Variants in TMEM97 observed in about 807,000 individuals in gnomAD.
TMEM97 encodes the protein sigma intracellular receptor 2.
Under a neutral mutation model 18.3 loss-of-function variants are expected in TMEM97, and 13 were observed. The ratio of observed to expected loss-of-function variants is 0.71; its 90% CI spans 0.46 to 1.13. The LOEUF (loss-of-function observed/expected upper bound fraction) is 1.13. TMEM97 is among the 50% of genes most tolerant of loss of function. The probability of loss-of-function intolerance (pLI) is 0.00; values close to 1 mark genes in which losing one functional copy is unlikely to be tolerated. For missense variants in TMEM97, 205 were observed against 210.5 expected (o/e 0.97, Z 0.16); for synonymous variants, 76 against 85.3 (o/e 0.89, Z 0.60).
In TMEM97 at chr17:28,319,356, C is replaced by G. The variant is rs782030956; in HGVS notation, c.117C>G (p.Tyr39Ter). The change falls in exon 1 of 3, where the codon TAC becomes TAG. Residue 39 changes from tyrosine to a stop codon, truncating the protein, a stop_gained. Coordinates refer to ENST00000226230, the MANE Select transcript of TMEM97 (RefSeq NM_014573.3). LOFTEE classifies it high-confidence loss of function. The stretch of plus-strand genomic sequence containing the variant: ...AGGCGGTGCTGCCGCGCGAGCTCTA[C>G]CCAGTCGAGGTGAGGGGCGCCCCTC... ...DLQAVLPREL[Y>*]PVEFRNLLKW... is the part of the protein sequence containing the mutation. The G allele has an allele frequency of 8.7e-6, 14 of 1,601,124 alleles. No individual in the cohort carries two copies. The highest frequency in any genetic ancestry group is 1.4e-5 in the African/African-American group (1 of 73,806).
chr17:28,326,953 C>T lies in TMEM97; in HGVS notation c.*160C>T. The T allele has an allele frequency of 1.1e-6, 1 of 890,976 alleles. No homozygotes were observed. The highest frequency in any genetic ancestry group is 1.7e-6 in the Non-Finnish European group (1 of 595,738). 55.2% of individuals were successfully genotyped at this position (890,976 alleles called of 1,614,324 possible). ...GGTGTCAGGAACCATGTCAAACCCT[C>T]ACCTTCTTCCATTTTTTTTTTTTTT... On this transcript the variant is annotated 3_prime_UTR_variant, in exon 3 of 3. Transcript: ENST00000226230.
intron 1 of TMEM97, among the ~76,000 whole-genome samples, chr17:28,320,344 G>A (rs17723890): frequency 0.032 from 4,864 of 152,198 alleles, 103 homozygotes; most frequent in Non-Finnish European, 0.047. Flanking sequence ...TTTTCAAGGG[G>A]CCTAACTCTC....
intron 1 of TMEM97, 41 bp downstream of exon 1, chr17:28,319,406 C>G: frequency 7.2e-7 from 1 of 1,392,950 alleles, no homozygotes; most frequent in South Asian, 1.3e-5. Context: ...TGAGGCTCTC[C>G]CGGCGCTGCG....
intron 2 of TMEM97, 171 bp downstream of exon 2, chr17:28,325,818 C>T (rs1217557571): frequency 1.6e-5 from 14 of 895,126 alleles, no homozygotes; most frequent in Non-Finnish European, 2.3e-5. Flanking sequence ...TAGTGTGGCT[C>T]AGGCTCATGT....
intron 1 of TMEM97, among the ~76,000 whole-genome samples, chr17:28,321,836 G>GTGTGTGTGTT (rs1906157239): frequency 6.6e-6 from 1 of 151,084 alleles, no homozygotes; most frequent in South Asian, 2.1e-4. Context: ...GTGTGTGTGT[G>GTGTGTGTGTT]TGTGTGTTTG....
intron 1 of TMEM97, among the ~76,000 whole-genome samples, chr17:28,322,264 T>C (rs542580490): frequency 6.6e-6 from 1 of 152,082 alleles, no homozygotes; most frequent in African/African-American, 2.4e-5. Flanking sequence ...TTGATTTTGT[T>C]TTTGAGACAG....
intron 1 of TMEM97, among the ~76,000 whole-genome samples, chr17:28,323,428 T>C (rs1597778939): frequency 6.6e-6 from 1 of 152,200 alleles, no homozygotes; most frequent in African/African-American, 2.4e-5. Flanking sequence ...GAATGCCTTT[T>C]TTTTTTTTTA....
At position 28,326,601 on chromosome 17, in the gene TMEM97, G is replaced by A. The variant is rs560273923; in HGVS notation, c.339G>A (p.Pro113=). 39 of 1,614,054 alleles carry A rather than the reference G, an allele frequency of 2.4e-5. 1 individual carries two copies. The highest frequency in any genetic ancestry group is 1.1e-4 in the South Asian group (10 of 91,074). The part of the protein sequence containing the change: ...YSVHTMTTLI[P]ILSTFLFEDF... ...TTCACACCATGACAACCTTAATTCC[G>A]ATACTCTCCACATTTCTGTTTGAGG... Residue 113 remains proline, a synonymous_variant, in exon 3 of 3, where the codon CCG becomes CCA. Transcript: ENST00000226230.
rs1386013348 is a variant in TMEM97, at chr17:28,327,147, T to G, written c.*354T>G. On this transcript the variant is annotated 3_prime_UTR_variant, in exon 3 of 3. Coordinates refer to ENST00000226230, the MANE Select transcript of TMEM97 (RefSeq NM_014573.3). ...TGGCTAATTTGTTTTGTTTTTTTTG[T>G]GTGTGTGGAGACAGGGTTTTGCCAT... 3 of 215,602 alleles carry G rather than the reference T, an allele frequency of 1.4e-5. No individual in the cohort carries two copies. Among genetic ancestry groups the G allele is most frequent in the Admixed American group, 5.2e-5 (1 of 19,238 alleles). 13.4% of individuals were successfully genotyped at this position (215,602 alleles called of 1,614,324 possible). A position where few individuals can be genotyped will look rare whatever the true frequency, so the allele number is the denominator to read the frequency against.
chr17:28,322,678 C>G (rs887886122), intron 1 of TMEM97, among the ~76,000 whole-genome samples: 2 of 152,178 alleles, frequency 1.3e-5, no homozygotes, highest in African/African-American at 4.8e-5. Flanking sequence ...TAAGGAAAAA[C>G]AAGTGAGCAT....
At chr17:28,325,432 T>G in intron 1 of TMEM97, 71 bp from the exon 2 acceptor site, 1 of 1,567,134 alleles carries the variant, frequency 6.4e-7, no homozygotes, top group Non-Finnish European at 8.6e-7. Flanking sequence ...CCAGTGTATT[T>G]TCAAATGAGC....
chr17:28,324,408 G>A, intron 1 of TMEM97, among the ~76,000 whole-genome samples: 1 of 152,196 alleles, frequency 6.6e-6, no homozygotes, highest in Admixed American at 6.5e-5. Context: ...TTTCACAATA[G>A]CGAGGCTTTA....
In TMEM97 at chr17:28,327,251, G is replaced by C. The variant is rs1490153275; in HGVS notation, c.*458G>C. ...CTCCCTAAGTGCTGGGATTACAGACGTGAACCACTGGGCCCAGCCCAAACC... is the reference window on the plus strand; with the variant it reads ...CTCCCTAAGTGCTGGGATTACAGACCTGAACCACTGGGCCCAGCCCAAACC... On this transcript the variant is annotated 3_prime_UTR_variant, in exon 3 of 3. Coordinates refer to ENST00000226230, the MANE Select transcript of TMEM97 (RefSeq NM_014573.3). 1 of 173,708 alleles carries C rather than the reference G, an allele frequency of 5.8e-6. No homozygotes were observed. Among genetic ancestry groups the C allele is most frequent in the African/African-American group, 2.4e-5 (1 of 41,972 alleles). 10.8% of individuals were successfully genotyped at this position (173,708 alleles called of 1,614,324 possible). A position where few individuals can be genotyped will look rare whatever the true frequency, so the allele number is the denominator to read the frequency against.
rs782013597 is a variant in TMEM97, at chr17:28,326,829, C to A, written c.*36C>A. On this transcript the variant is annotated 3_prime_UTR_variant, in exon 3 of 3. Coordinates refer to ENST00000226230, the MANE Select transcript of TMEM97 (RefSeq NM_014573.3). Reference sequence around the variant, plus strand: ...CACTGGCCCAGGGTAGAGATGCCTACAGGGTGGTTGCTTGTTGGATACAAT... The same window carrying A: ...CACTGGCCCAGGGTAGAGATGCCTAAAGGGTGGTTGCTTGTTGGATACAAT... 1 of 1,589,726 alleles carries A rather than the reference C, an allele frequency of 6.3e-7. No homozygotes were observed. Among genetic ancestry groups the A allele is most frequent in the African/African-American group, 1.4e-5 (1 of 73,902 alleles).
rs1555575898 is a variant in TMEM97 at position 28,328,586 on chromosome 17, G to A, written c.*1793G>A. ...GGTCAAGCCGCTGGAATGCTACAGAGGTTTTTTTGGTTTTGAGAGGCTTTT... is the reference window on the plus strand; with the variant it reads ...GGTCAAGCCGCTGGAATGCTACAGAAGTTTTTTTGGTTTTGAGAGGCTTTT... On this transcript the variant is annotated 3_prime_UTR_variant, in exon 3 of 3. Transcript: ENST00000226230. 1.0e-6 allele frequency: 1 copy of A among 976,768 alleles called. No homozygotes were observed. 60.5% of individuals were successfully genotyped at this position (976,768 alleles called of 1,614,324 possible).
In TMEM97 at chr17:28,328,535, C is replaced by T. The variant is rs116558075; in HGVS notation, c.*1742C>T. The T allele has an allele frequency of 6.7e-4, 471 of 704,152 alleles. 4 individuals carry two copies. In the African/African-American group the frequency reaches 7.4e-3, roughly 11 times the overall value. The allele number at this position is 704,152 out of a possible 1,614,324, so 43.6% of individuals were successfully genotyped here. Reference sequence around the variant, plus strand: ...TCTTCAGGGGGCTGCATTCCTTACACGCCACCTCTTGTGACATAGGTCATT... The same window carrying T: ...TCTTCAGGGGGCTGCATTCCTTACATGCCACCTCTTGTGACATAGGTCATT... On this transcript the variant is annotated 3_prime_UTR_variant, in exon 3 of 3. Transcript: ENST00000226230.
In TMEM97 at chr17:28,327,062, C is replaced by T. The variant is rs1555575630; in HGVS notation, c.*269C>T. The T allele has an allele frequency of 9.8e-5, 41 of 420,270 alleles. No individual in the cohort carries two copies. In the South Asian group the frequency reaches 1.1e-3, roughly 11 times the overall value. 26.0% of individuals were successfully genotyped at this position (420,270 alleles called of 1,614,324 possible). A position where few individuals can be genotyped will look rare whatever the true frequency, so the allele number is the denominator to read the frequency against. On this transcript the variant is annotated 3_prime_UTR_variant, in exon 3 of 3. Coordinates refer to ENST00000226230, the MANE Select transcript of TMEM97 (RefSeq NM_014573.3). ...CTCACTGCAACCTCCGCCTCCTGGG[C>T]TCAAGCCATCTTCCTTAGCCTCCCA... is the stretch of plus-strand genomic sequence containing the variant.
chr17:28,325,729 G>C (rs999612207), intron 2 of TMEM97, 82 bp downstream of exon 2: 5 of 1,574,222 alleles, frequency 3.2e-6, no homozygotes, highest in African/African-American at 1.4e-5. Flanking sequence ...CCAAAGGGAA[G>C]GGGATGGTCC....
At chr17:28,319,512 T>TTA in intron 1 of TMEM97, 147 bp downstream of exon 1, 1 of 996,288 alleles carries the variant, frequency 1.0e-6, no homozygotes, top group Non-Finnish European at 1.4e-6. Context: ...TAACCCAACT[T>TTA]TAGTTCGGTG....
Sources: gnomAD v4.1 joint callset for allele counts (sites outside exome capture counted in the v4.1 genomes callset) on GRCh38, gnomAD v4.1.1 for gene constraint, MANE v1.5 for transcripts, NCBI Gene and HGNC (gene_info 2026-07-23, HGNC 2026-07-21) for gene names.